The following EFNA5 variants were observed in gnomAD, a reference collection of about 807,000 sequenced individuals.
EFNA5 encodes ephrin-A5.
EFNA5 carries 5 observed loss-of-function variants against 22.9 expected under a neutral mutation model. That is an observed-to-expected ratio of 0.22 (90% CI 0.11 to 0.46). EFNA5 has a LOEUF of 0.46. Ranked by LOEUF, EFNA5 falls within the 20% of genes least tolerant of loss-of-function variation. EFNA5 has a pLI of 0.99. For missense variants in EFNA5, 237 were observed against 293.3 expected (o/e 0.81, Z 1.40); for synonymous variants, 113 against 112.2 (o/e 1.01, Z -0.04).
intron 1 of EFNA5, among the ~76,000 whole-genome samples, chr5:107,657,577 GA>G (rs542407859): frequency 9.5e-4 from 145 of 152,116 alleles, no homozygotes; most frequent in African/African-American, 3.3e-3. Flanking sequence ...GATTTAAAAA[GA>G]AAAATATTTG....
At chr5:107,585,143 G>A (rs1280796750) in intron 1 of EFNA5, among the ~76,000 whole-genome samples, 2 of 152,290 alleles carry the variant, frequency 1.3e-5, no homozygotes, top group South Asian at 2.1e-4. Flanking sequence ...AATGGATGGG[G>A]ATAAAAGTGG....
At position 107,516,049 on chromosome 5, in the gene EFNA5, C is replaced by G. The variant is rs77942804; in HGVS notation, c.126-88540G>C. Among the ~76,000 whole-genome samples the G allele has an allele frequency of 1.2e-4, 19 of 152,116 alleles. 1 individual carries two copies. Among genetic ancestry groups the G allele is most frequent in the Admixed American group, 1.2e-3 (18 of 15,278 alleles). On this transcript the variant is annotated intron_variant, in intron 1 of 4. Coordinates refer to ENST00000333274, the MANE Select transcript of EFNA5 (RefSeq NM_001962.3). ...AGACACAGTCTCACACTGTCGCCCA[C>G]GCTGAAGCGCAGTGGTATAATCATG...
chr5:107,660,265 T>C (rs1750918987), intron 1 of EFNA5, among the ~76,000 whole-genome samples: 2 of 11,038 alleles, frequency 1.8e-4, no homozygotes, highest in Admixed American at 1.6e-3. Flanking sequence ...CAAAAACATA[T>C]ATATATATAT....
At chr5:107,396,524 G>A (rs1192719867) in intron 2 of EFNA5, among the ~76,000 whole-genome samples, 5 of 152,360 alleles carry the variant, frequency 3.3e-5, no homozygotes, top group Admixed American at 2.0e-4. Context: ...ACCCAGCTGA[G>A]GGCTTCTGAG....
Position 107,445,092 on chromosome 5 carries a change from G to T in EFNA5, c.126-17583C>A, listed in dbSNP as rs575928021. ...GGCTGCAGTGCAGTGGTGTGATTTC[G>T]GCTCACTGCAACCTCCACCTCCTGA... On this transcript the variant is annotated intron_variant, in intron 1 of 4. Coordinates refer to ENST00000333274, the MANE Select transcript of EFNA5 (RefSeq NM_001962.3). Among the ~76,000 whole-genome samples, 228 of 152,118 alleles carry T rather than the reference G, an allele frequency of 1.5e-3. 1 individual carries two copies. The highest frequency in any genetic ancestry group is 3.4e-3 in the Middle Eastern group (1 of 294).
At chr5:107,412,541 G>A (rs1294770502) in intron 2 of EFNA5, among the ~76,000 whole-genome samples, 1 of 152,054 alleles carries the variant, frequency 6.6e-6, no homozygotes, top group African/African-American at 2.4e-5. Flanking sequence ...CTACAGCTGA[G>A]TTTTTCAATT....
At chr5:107,467,112 A>T (rs1750008205) in intron 1 of EFNA5, among the ~76,000 whole-genome samples, 1 of 152,156 alleles carries the variant, frequency 6.6e-6, no homozygotes, top group Admixed American at 6.5e-5. Flanking sequence ...TAAAAATCTA[A>T]AGGAATGATT....
rs554748172 is a variant in EFNA5, at chr5:107,542,562, G to T, written c.126-115053C>A. ...TGTGTTGTTGTGGTATAAGGGGGGGGTGCGGGGAGGGGGTAGGTGCTGGAG... is the reference window on the plus strand; with the variant it reads ...TGTGTTGTTGTGGTATAAGGGGGGGTTGCGGGGAGGGGGTAGGTGCTGGAG... On this transcript the variant is annotated intron_variant, in intron 1 of 4. Coordinates refer to ENST00000333274, the MANE Select transcript of EFNA5 (RefSeq NM_001962.3). Among the ~76,000 whole-genome samples the T allele has an allele frequency of 5.9e-5, 9 of 151,800 alleles. No homozygotes were observed. In the South Asian group the frequency reaches 1.0e-3, roughly 18 times the overall value.
chr5:107,652,425 A>G (rs1349027829), intron 1 of EFNA5, among the ~76,000 whole-genome samples: 1 of 152,144 alleles, frequency 6.6e-6, no homozygotes, highest in Non-Finnish European at 1.5e-5. Flanking sequence ...TGTCCATAGC[A>G]TTTCATGCTT....
At chr5:107,595,040 CA>C (rs1447326677) in intron 1 of EFNA5, among the ~76,000 whole-genome samples, 3 of 151,970 alleles carry the variant, frequency 2.0e-5, no homozygotes, top group African/African-American at 7.2e-5. Context: ...AAAATGAAAT[CA>C]AAGAAAATAT....
chr5:107,551,908 A>T (rs182397753), intron 1 of EFNA5, among the ~76,000 whole-genome samples: 3,401 of 151,466 alleles, frequency 0.022, 52 homozygotes, highest in Non-Finnish European at 0.033. Context: ...TAAGCTTTTA[A>T]AAAAAAAAGG....
intron 1 of EFNA5, among the ~76,000 whole-genome samples, chr5:107,500,871 T>TAA (rs5870265): frequency 0.6 from 88,995 of 149,104 alleles, 27,504 homozygotes; most frequent in African/African-American, 0.76. Context: ...AAATATTCAT[T>TAA]AAAAAAAAAC....
In EFNA5 at chr5:107,457,334, C is replaced by T. The variant is rs1052823408; in HGVS notation, c.126-29825G>A. ...TAGCCTGATGAAGGCACTCTAGATCCTTGACTCAGCCTCTGAAGGTCTAGG... is the reference window on the plus strand; with the variant it reads ...TAGCCTGATGAAGGCACTCTAGATCTTTGACTCAGCCTCTGAAGGTCTAGG... On this transcript the variant is annotated intron_variant, in intron 1 of 4. Coordinates refer to ENST00000333274, the MANE Select transcript of EFNA5 (RefSeq NM_001962.3). Among the ~76,000 whole-genome samples, 4 of 152,174 alleles carry T rather than the reference C, an allele frequency of 2.6e-5. No individual in the cohort carries two copies. In the South Asian group the frequency reaches 6.2e-4, roughly 24 times the overall value.
chr5:107,465,782 C>T (rs370862174), intron 1 of EFNA5, among the ~76,000 whole-genome samples: 26 of 151,970 alleles, frequency 1.7e-4, no homozygotes, highest in Middle Eastern at 3.4e-3. Flanking sequence ...TAGTATATCA[C>T]GAGGGGAGAA....
At position 107,444,094 on chromosome 5, in the gene EFNA5, T is replaced by C. The variant is rs573273253; in HGVS notation, c.126-16585A>G. ...ACAGCATGCTGAGTGCTACATACTA[T>C]ATTTGATGCACTGATCTGATGTAAG... On this transcript the variant is annotated intron_variant, in intron 1 of 4. Transcript: ENST00000333274. Among the ~76,000 whole-genome samples the C allele has an allele frequency of 4.6e-5, 7 of 151,858 alleles. No individual in the cohort carries two copies. In the South Asian group the frequency reaches 1.0e-3, roughly 23 times the overall value.
chr5:107,382,696 T>C (rs567154209), intron 4 of EFNA5, among the ~76,000 whole-genome samples: 2 of 152,298 alleles, frequency 1.3e-5, no homozygotes, highest in South Asian at 4.1e-4. Context: ...TAAGGATCTC[T>C]GAATAACACA....
intron 1 of EFNA5, among the ~76,000 whole-genome samples, chr5:107,542,697 A>G (rs1748073952): frequency 6.6e-6 from 1 of 152,210 alleles, no homozygotes; most frequent in South Asian, 2.1e-4. Context: ...GCCTCTGGGC[A>G]TCTTAGAACA....
rs1747438868 is a variant in EFNA5, at chr5:107,380,971, T to A, written c.*284A>T. ...AGCTGACGAACCACTGGTGTCACTA[T>A]GACAATTTGGCATTTTCATCTGGAG... On this transcript the variant is annotated 3_prime_UTR_variant, in exon 5 of 5. Transcript: ENST00000333274. 2 of 467,200 alleles carry A rather than the reference T, an allele frequency of 4.3e-6. No homozygotes were observed. The highest frequency in any genetic ancestry group is 7.5e-6 in the Non-Finnish European group (2 of 267,998). The allele number at this position is 467,200 out of a possible 1,614,324, so 28.9% of individuals were successfully genotyped here. A position where few individuals can be genotyped will look rare whatever the true frequency, so the allele number is the denominator to read the frequency against.
At chr5:107,659,065 T>C (rs1433474937) in intron 1 of EFNA5, among the ~76,000 whole-genome samples, 2 of 152,180 alleles carry the variant, frequency 1.3e-5, no homozygotes, top group Non-Finnish European at 2.9e-5. Context: ...ATCTGCACAA[T>C]GGTCTTAAGT....
Sources: allele counts gnomAD v4.1 joint callset (sites outside exome capture counted in the v4.1 genomes callset), GRCh38; gene constraint gnomAD v4.1.1; transcripts MANE v1.5; gene names NCBI Gene and HGNC (gene_info 2026-07-23, HGNC 2026-07-21).